PLCB1: variants seen among roughly 807,000 people sequenced by gnomAD.
PLCB1 encodes the protein 1-phosphatidylinositol 4,5-bisphosphate phosphodiesterase beta-1.
Under a neutral mutation model 161.8 loss-of-function variants are expected in PLCB1, and 46 were observed. The observed-to-expected ratio is 0.28, with a 90% CI of 0.22 to 0.36. The LOEUF is 0.36. Among genes scored for constraint, PLCB1 ranks in the 10% least tolerant of loss-of-function variants. The pLI, the probability that PLCB1 is intolerant of heterozygous loss-of-function variation, is 1.00. For missense variants in PLCB1, 1,016 were observed against 1,472.5 expected (o/e 0.69, Z 5.07); for synonymous variants, 517 against 503.7 (o/e 1.03, Z -0.35).
At chr20:8,703,151 C>T (rs1012685143) in intron 11 of PLCB1, among the ~76,000 whole-genome samples, 1 of 152,102 alleles carries the variant, frequency 6.6e-6, no homozygotes, top group Admixed American at 6.6e-5. Context: ...AGCTTCCTTC[C>T]CAGTGCAAGT....
intron 3 of PLCB1, among the ~76,000 whole-genome samples, chr20:8,612,676 A>G (rs1257869929): frequency 6.6e-6 from 1 of 152,178 alleles, no homozygotes. Flanking sequence ...TTAGGTTTCC[A>G]TAGCCTCCCC....
intron 3 of PLCB1, among the ~76,000 whole-genome samples, chr20:8,539,560 C>A (rs570547562): frequency 6.6e-6 from 1 of 152,078 alleles, no homozygotes; most frequent in Admixed American, 6.5e-5. Context: ...ACTGTTTTAT[C>A]CCCCAGTGCC....
intron 26 of PLCB1, among the ~76,000 whole-genome samples, chr20:8,765,746 G>A (rs1040323519): frequency 2.0e-5 from 3 of 151,932 alleles, no homozygotes; most frequent in African/African-American, 7.3e-5. Flanking sequence ...GGAGTGCAGT[G>A]ACATCATCTC....
At chr20:8,198,555 G>A (rs1372906982) in intron 2 of PLCB1, among the ~76,000 whole-genome samples, 1 of 152,094 alleles carries the variant, frequency 6.6e-6, no homozygotes, top group Admixed American at 6.6e-5. Context: ...ATAGGATGAA[G>A]TATCTCACCT....
chr20:8,307,213 C>T (rs1447702502), intron 2 of PLCB1, among the ~76,000 whole-genome samples: 1 of 152,102 alleles, frequency 6.6e-6, no homozygotes, highest in African/African-American at 2.4e-5. Flanking sequence ...GGGGGGTGGG[C>T]ATGGGCACGT....
intron 9 of PLCB1, among the ~76,000 whole-genome samples, chr20:8,682,232 G>A (rs1000325394): frequency 3.9e-5 from 6 of 152,194 alleles, no homozygotes; most frequent in South Asian, 2.1e-4. Flanking sequence ...CCAGCTCAGC[G>A]GCTCACGCCT....
rs55662891 is a variant in PLCB1, at chr20:8,718,076, TG to T, written c.1513+231del. Among the ~76,000 whole-genome samples the T allele has an allele frequency of 0.58, 88,384 of 151,668 alleles. 27,086 individuals are homozygous for T. The highest frequency in any genetic ancestry group is 0.72 in the South Asian group (3,449 of 4,810). On this transcript the variant is annotated intron_variant, in intron 14 of 31. Coordinates refer to ENST00000338037, the MANE Select transcript of PLCB1 (RefSeq NM_015192.4). ...CTCTTGCAAAAATACAAAAATTATC[TG>T]GGCATAGTGGCACGTACCTGTAGTC...
Position 8,370,181 on chromosome 20 carries a change from G to C in PLCB1, c.178-1201G>C, listed in dbSNP as rs190283332. The stretch of plus-strand genomic sequence containing the variant: ...CATCTGGAGTCACTTTAAGACAACT[G>C]CTCACTGCACCACAGTCCTACCTGG... On this transcript the variant is annotated intron_variant, in intron 2 of 31. Transcript: ENST00000338037. 1.7e-4 allele frequency among the ~76,000 whole-genome samples: 26 copies of C among 152,282 alleles called. 3 individuals carry two copies. The East Asian group carries it at 5.0e-3, about 29-fold the overall frequency.
chr20:8,290,575 A>G (rs1419847638), intron 2 of PLCB1, among the ~76,000 whole-genome samples: 1 of 152,192 alleles, frequency 6.6e-6, no homozygotes, highest in Non-Finnish European at 1.5e-5. Flanking sequence ...TTTGACAGCC[A>G]GAGAAAACTC....
chr20:8,717,298 C>G (rs575836778), intron 13 of PLCB1, among the ~76,000 whole-genome samples: 1 of 152,336 alleles, frequency 6.6e-6, no homozygotes, highest in South Asian at 2.1e-4. Context: ...CTCCTCCTGG[C>G]AGATGCCTGG....
intron 3 of PLCB1, among the ~76,000 whole-genome samples, chr20:8,463,543 T>C (rs1390370075): frequency 6.6e-6 from 1 of 152,212 alleles, no homozygotes; most frequent in East Asian, 1.9e-4. Context: ...TTTCATCCAA[T>C]AATGCTACTT....
chr20:8,706,809 C>T (rs1303945802), intron 11 of PLCB1, among the ~76,000 whole-genome samples: 1 of 152,136 alleles, frequency 6.6e-6, no homozygotes, highest in Non-Finnish European at 1.5e-5. Context: ...TTAGTTGAAT[C>T]AAGAATAGAT....
chr20:8,166,238 A>T (rs1305507448), intron 2 of PLCB1, among the ~76,000 whole-genome samples: 1 of 152,084 alleles, frequency 6.6e-6, no homozygotes, highest in Non-Finnish European at 1.5e-5. Context: ...ATCAACCTGG[A>T]TTCTGTACCC....
chr20:8,540,704 GATTA>G (rs1332533177), intron 3 of PLCB1, among the ~76,000 whole-genome samples: 1 of 150,774 alleles, frequency 6.6e-6, no homozygotes, highest in Non-Finnish European at 1.5e-5. Context: ...TGAGAGACAG[GATTA>G]AGGTTATGTC....
chr20:8,594,288 T>G (rs1017644617), intron 3 of PLCB1, among the ~76,000 whole-genome samples: 1 of 152,148 alleles, frequency 6.6e-6, no homozygotes, highest in Non-Finnish European at 1.5e-5. Flanking sequence ...CTTGAGAAAC[T>G]TGTTGCCCTC....
At chr20:8,707,647 G>T (rs1184541325) in intron 11 of PLCB1, among the ~76,000 whole-genome samples, 1 of 152,098 alleles carries the variant, frequency 6.6e-6, no homozygotes, top group African/African-American at 2.4e-5. Flanking sequence ...CCCCTTCTGA[G>T]AATTCATTCC....
chr20:8,550,001 C>T (rs1436655769), intron 3 of PLCB1, among the ~76,000 whole-genome samples: 2 of 152,154 alleles, frequency 1.3e-5, no homozygotes, highest in Non-Finnish European at 2.9e-5. Flanking sequence ...TTTGGACTTG[C>T]ATGGGGCCTG....
chr20:8,869,409 T>A (rs1320226354), intron 31 of PLCB1, among the ~76,000 whole-genome samples: 1 of 152,202 alleles, frequency 6.6e-6, no homozygotes, highest in African/African-American at 2.4e-5. Flanking sequence ...CATAAAAAGT[T>A]CAGGGCCAGG....
chr20:8,431,664 G>A (rs2122579722), intron 3 of PLCB1, among the ~76,000 whole-genome samples: 1 of 152,254 alleles, frequency 6.6e-6, no homozygotes, highest in East Asian at 1.9e-4. Context: ...AAGTCTGATT[G>A]GGAACATCTC....
Sources: gnomAD v4.1 joint callset for allele counts (sites outside exome capture counted in the v4.1 genomes callset) on GRCh38, gnomAD v4.1.1 for gene constraint, MANE v1.5 for transcripts, NCBI Gene and HGNC (gene_info 2026-07-23, HGNC 2026-07-21) for gene names.